The following LSMEM2 variants were observed in gnomAD, a reference collection of about 807,000 sequenced individuals.
LSMEM2 encodes the protein leucine rich single-pass membrane protein 2.
Under a neutral mutation model 17.3 loss-of-function variants are expected in LSMEM2, and 20 were observed. That is an observed-to-expected ratio of 1.16 (90% CI 0.81 to 1.68). LSMEM2 has a LOEUF of 1.68. LSMEM2 is among the 40% of genes most tolerant of loss of function. The pLI, the probability that LSMEM2 is intolerant of heterozygous loss-of-function variation, is 0.00. For synonymous variants in LSMEM2, 94 were observed against 97.8 expected (o/e 0.96, Z 0.23); for missense variants, 207 against 214.3 (o/e 0.97, Z 0.21).
upstream of LSMEM2, among the ~76,000 whole-genome samples, chr3:50,278,850 A>T (rs1031303382): frequency 2.0e-5 from 3 of 152,198 alleles, no homozygotes; most frequent in East Asian, 3.9e-4. Context: ...TTCTGGATGT[A>T]TGGGGGAGGT....
At chr3:50,282,896 C>G in intron 1 of LSMEM2, among the ~76,000 whole-genome samples, 1 of 149,720 alleles carries the variant, frequency 6.7e-6, no homozygotes, top group East Asian at 2.0e-4. Context: ...AAAAAACAGA[C>G]AAACAAAAGG....
In LSMEM2 at chr3:50,287,900, G is replaced by T. The variant is rs3204447; in HGVS notation, c.*698G>T. 1.2e-5 allele frequency: 5 copies of T among 409,390 alleles called. No homozygotes were observed. The highest frequency in any genetic ancestry group is 1.4e-5 in the Non-Finnish European group (3 of 222,192). 25.4% of individuals were successfully genotyped at this position (409,390 alleles called of 1,614,324 possible). A position where few individuals can be genotyped will look rare whatever the true frequency, so the allele number is the denominator to read the frequency against. On this transcript the variant is annotated 3_prime_UTR_variant, in exon 4 of 4. Transcript: ENST00000316436. Reference sequence around the variant, plus strand: ...GTCATCCTGGGGGAGCAAGGCCTGAGAAAGGAAAGGAAGGGAAAGGCCCCC... The same window carrying T: ...GTCATCCTGGGGGAGCAAGGCCTGATAAAGGAAAGGAAGGGAAAGGCCCCC...
At chr3:50,279,878 C>CTTT (rs781923861) in intron 1 of LSMEM2, among the ~76,000 whole-genome samples, 1 of 144,260 alleles carries the variant, frequency 6.9e-6, no homozygotes, top group African/African-American at 2.5e-5. Flanking sequence ...ACATTTTCAA[C>CTTT]TTTTTTTTTT....
At chr3:50,280,755 G>C (rs1425433241) in intron 1 of LSMEM2, among the ~76,000 whole-genome samples, 1 of 151,616 alleles carries the variant, frequency 6.6e-6, no homozygotes, top group Non-Finnish European at 1.5e-5. Context: ...CACTACGCCT[G>C]GCTAATTTTT....
At chr3:50,279,888 T>C (rs1405072759) in intron 1 of LSMEM2, among the ~76,000 whole-genome samples, 1 of 151,982 alleles carries the variant, frequency 6.6e-6, no homozygotes, top group Non-Finnish European at 1.5e-5. Flanking sequence ...CTTTTTTTTT[T>C]TTTTTGAGAT....
chr3:50,287,027 G>A (rs782673994), intron 3 of LSMEM2, 42 bp from the exon 4 acceptor site: 2 of 1,610,860 alleles, frequency 1.2e-6, no homozygotes, highest in Non-Finnish European at 1.7e-6. Flanking sequence ...AGGGGTCACG[G>A]GGTGGCACAT....
In LSMEM2 at chr3:50,287,220, G is replaced by C; in HGVS notation, c.*18G>C. ...CCAGCTGAGATGCCATTTGGATCTG[G>C]GGCCTGGGGGTGTGTGTTGGTGGGG... On this transcript the variant is annotated 3_prime_UTR_variant, in exon 4 of 4. Transcript: ENST00000316436. 1 of 1,613,730 alleles carries C rather than the reference G, an allele frequency of 6.2e-7. No individual in the cohort carries two copies. The highest frequency in any genetic ancestry group is 8.5e-7 in the Non-Finnish European group (1 of 1,179,838).
chr3:50,280,237 C>A (rs1367597413), intron 1 of LSMEM2, among the ~76,000 whole-genome samples: 5 of 148,910 alleles, frequency 3.4e-5, no homozygotes, highest in African/African-American at 1.3e-4. Flanking sequence ...TCACTGCAAC[C>A]TCTGCCTCCC....
Position 50,286,812 on chromosome 3 carries a change from T to C in LSMEM2, c.311T>C (p.Leu104Pro). ...GGAGGGTTCCTGCTGCTGCTCGCGC[T>C]GCTGGTGCTCACTTGCCTAGTGCTC... ...RRGGFLLLLA[L>P]LVLTCLVLAL... Residue 104 changes from leucine to proline, a missense_variant, in exon 3 of 4, where the codon CTG becomes CCG. Physicochemically the swap from Leu to Pro is moderately conservative, Grantham distance 98. Transcript: ENST00000316436. 2 of 1,614,108 alleles carry C rather than the reference T, an allele frequency of 1.2e-6. No homozygotes were observed. Among genetic ancestry groups the C allele is most frequent in the African/African-American group, 1.3e-5 (1 of 75,070 alleles).
In LSMEM2 at chr3:50,287,050, C is replaced by A; in HGVS notation, c.362-19C>A. ...CGGGGTGGCACATGGTCTGATGATC[C>A]CCCACTTCCCATTCACAGTGCTGCA... On this transcript the variant is annotated intron_variant, in intron 3 of 3. Transcript: ENST00000316436. 6.2e-7 allele frequency: 1 copy of A among 1,613,506 alleles called. No individual in the cohort carries two copies. Among genetic ancestry groups the A allele is most frequent in the Non-Finnish European group, 8.5e-7 (1 of 1,179,516 alleles).
In LSMEM2 at chr3:50,286,584, G is replaced by A. The variant is rs150581370; in HGVS notation, c.172G>A (p.Ala58Thr). 39 of 1,612,032 alleles carry A rather than the reference G, an allele frequency of 2.4e-5. No homozygotes were observed. Among genetic ancestry groups the A allele is most frequent in the African/African-American group, 6.7e-5 (5 of 74,906 alleles). The change falls in exon 2 of 4, where the codon GCA becomes ACA. Residue 58 changes from alanine (A) to threonine (T), a missense_variant and splice_region_variant. Transcript: ENST00000316436. The part of the protein sequence containing the change: ...VESISDLHSG[A>T]GTLRPYLTEE... The stretch of plus-strand genomic sequence containing the variant: ...GTCCATCAGCGACCTACATAGTGGA[G>A]GTGAGTGGGGACAGTGGGGTGGATG...
chr3:50,287,245 G>A lies in LSMEM2; in HGVS notation c.*43G>A, dbSNP rs782083787. The A allele has an allele frequency of 2.1e-5, 33 of 1,607,172 alleles. No homozygotes were observed. The highest frequency in any genetic ancestry group is 2.6e-5 in the Non-Finnish European group (31 of 1,176,752). Reference sequence around the variant, plus strand: ...GGGCCTGGGGGTGTGTGTTGGTGGGGGAATAAAGTGGCTATGGGCAGGTCT... The same window carrying A: ...GGGCCTGGGGGTGTGTGTTGGTGGGAGAATAAAGTGGCTATGGGCAGGTCT... On this transcript the variant is annotated 3_prime_UTR_variant, in exon 4 of 4. Coordinates refer to ENST00000316436, the MANE Select transcript of LSMEM2 (RefSeq NM_153215.3).
rs1434190784 is a variant in LSMEM2 at position 50,287,386 on chromosome 3, C to T, written c.*184C>T. On this transcript the variant is annotated 3_prime_UTR_variant, in exon 4 of 4. Transcript: ENST00000316436. Reference sequence around the variant, plus strand: ...CTCTCCTGATCTCTTCAAGCCAGGCCTAGCCAAGCCTCTGGTGCCAAAGCC... The same window carrying T: ...CTCTCCTGATCTCTTCAAGCCAGGCTTAGCCAAGCCTCTGGTGCCAAAGCC... 4 of 817,776 alleles carry T rather than the reference C, an allele frequency of 4.9e-6. No individual in the cohort carries two copies. The highest frequency in any genetic ancestry group is 7.5e-6 in the Non-Finnish European group (4 of 534,366). 50.7% of individuals were successfully genotyped at this position (817,776 alleles called of 1,614,324 possible).
rs782209885 is a variant in LSMEM2, at chr3:50,287,058, C to T, written c.362-11C>T. The T allele has an allele frequency of 5.6e-6, 9 of 1,613,778 alleles. No individual in the cohort carries two copies. The African/African-American group carries it at 1.2e-4, about 22-fold the overall frequency. ...CACATGGTCTGATGATCCCCCACTT[C>T]CCATTCACAGTGCTGCAGAGTGAAT... is the stretch of plus-strand genomic sequence containing the variant. On this transcript the variant is annotated splice_polypyrimidine_tract_variant and intron_variant, in intron 3 of 3. Transcript: ENST00000316436.
intron 2 of LSMEM2, 21 bp downstream of exon 2, chr3:50,286,605 GGAT>G: frequency 1.2e-6 from 2 of 1,611,442 alleles, no homozygotes; most frequent in Non-Finnish European, 8.5e-7. Context: ...ACAGTGGGGT[GGAT>G]GATGTGCTGG....
In LSMEM2 at chr3:50,286,862, G is replaced by A. The variant is rs781803591; in HGVS notation, c.361G>A (p.Val121Met). Residue 121 changes from valine (V) to methionine (M), a missense_variant and splice_region_variant, in exon 3 of 4, where the codon GTG (valine) becomes ATG (methionine). Coordinates refer to ENST00000316436, the MANE Select transcript of LSMEM2 (RefSeq NM_153215.3). ...CGCACTCCTGGCTGTCTACCTGAGCGGTATGGACGCATAGGGTGCTAGTAG... is the reference window on the plus strand; with the variant it reads ...CGCACTCCTGGCTGTCTACCTGAGCAGTATGGACGCATAGGGTGCTAGTAG... ...VLALLAVYLS[V>M]LQSESLRILA... 67 of 1,613,354 alleles carry A rather than the reference G, an allele frequency of 4.2e-5. No homozygotes were observed. The highest frequency in any genetic ancestry group is 1.3e-4 in the African/African-American group (10 of 74,940).
At chr3:50,279,878 C>CA (rs1559795399) in intron 1 of LSMEM2, among the ~76,000 whole-genome samples, 1 of 144,230 alleles carries the variant, frequency 6.9e-6, no homozygotes. Flanking sequence ...ACATTTTCAA[C>CA]TTTTTTTTTT....
chr3:50,285,910 A>T (rs1310895389), intron 1 of LSMEM2, among the ~76,000 whole-genome samples: 1 of 152,216 alleles, frequency 6.6e-6, no homozygotes, highest in Non-Finnish European at 1.5e-5. Context: ...AGATGTGTGA[A>T]GGGAGAGACC....
At chr3:50,283,045 C>T (rs587747653) in intron 1 of LSMEM2, among the ~76,000 whole-genome samples, 4 of 151,450 alleles carry the variant, frequency 2.6e-5, no homozygotes, top group African/African-American at 9.7e-5. Flanking sequence ...ATTAGCCAGG[C>T]GTGGTGGCAC....
Sources: allele counts gnomAD v4.1 joint callset (sites outside exome capture counted in the v4.1 genomes callset), GRCh38; gene constraint gnomAD v4.1.1; transcripts MANE v1.5; gene names NCBI Gene and HGNC (gene_info 2026-07-23, HGNC 2026-07-21).